CAB39L: variants seen among roughly 807,000 people sequenced by gnomAD.
CAB39L encodes calcium-binding protein 39-like.
CAB39L carries 23 observed loss-of-function variants against 39.1 expected under a neutral mutation model. The observed-to-expected ratio is 0.59, with a 90% CI of 0.42 to 0.83. The LOEUF is 0.83. Ranked by LOEUF, CAB39L falls within the 40% of genes least tolerant of loss-of-function variation. CAB39L has a pLI of 0.00. For synonymous variants in CAB39L, 126 were observed against 137.2 expected, an observed-to-expected ratio of 0.92 and a Z score of 0.57; for missense variants, 366 against 391.9, an observed-to-expected ratio of 0.93 and a Z score of 0.56.
At chr13:49,312,717 C>G (rs553635336) in intron 10 of CAB39L, among the ~76,000 whole-genome samples, 1 of 152,330 alleles carries the variant, frequency 6.6e-6, no homozygotes, top group East Asian at 1.9e-4. Flanking sequence ...TAGCTAGGAG[C>G]ACGTGGGAGC....
chr13:49,321,537 G>T (rs1005253357), intron 10 of CAB39L, among the ~76,000 whole-genome samples: 3 of 152,194 alleles, frequency 2.0e-5, no homozygotes, highest in African/African-American at 7.2e-5. Context: ...TGACCACTAG[G>T]CTGTGTGTGC....
At chr13:49,411,792 T>C (rs1379543886) in intron 3 of CAB39L, among the ~76,000 whole-genome samples, 1 of 152,116 alleles carries the variant, frequency 6.6e-6, no homozygotes, top group Non-Finnish European at 1.5e-5. Context: ...TGGAGACCCA[T>C]TCCTTATCTA....
intron 9 of CAB39L, among the ~76,000 whole-genome samples, chr13:49,337,727 C>G (rs1270822593): frequency 9.0e-6 from 1 of 111,298 alleles, no homozygotes; most frequent in African/African-American, 3.7e-5. Context: ...TCTAGCTGCT[C>G]TGGCGCACAC....
chr13:49,414,170 T>C (rs1267448033), intron 3 of CAB39L: 1 of 152,242 alleles, frequency 6.6e-6, no homozygotes, highest in East Asian at 1.9e-4. Flanking sequence ...TCCATTGGGA[T>C]AGAGTCAAAA....
At chr13:49,332,223 T>A in intron 9 of CAB39L, 133 bp from the exon 10 acceptor site, 3 of 994,924 alleles carry the variant, frequency 3.0e-6, no homozygotes, top group Non-Finnish European at 2.9e-6. Context: ...AGAGTGTCCT[T>A]AAGTGCATCT....
chr13:49,349,450 GAATA>G (rs1955275847), intron 7 of CAB39L, among the ~76,000 whole-genome samples: 1 of 136,258 alleles, frequency 7.3e-6, no homozygotes, highest in South Asian at 2.4e-4. Flanking sequence ...AAATGAATCT[GAATA>G]CATATATATA....
At chr13:49,364,239 G>A (rs1016808686) in intron 5 of CAB39L, among the ~76,000 whole-genome samples, 1 of 152,014 alleles carries the variant, frequency 6.6e-6, no homozygotes, top group Non-Finnish European at 1.5e-5. Flanking sequence ...TTAGACCTGG[G>A]ACATGATAAC....
chr13:49,336,298 T>G (rs145453192), intron 9 of CAB39L, among the ~76,000 whole-genome samples: 136 of 152,290 alleles, frequency 8.9e-4, no homozygotes, highest in African/African-American at 2.7e-3. Context: ...CAGTAACCAT[T>G]TTAATACTTT....
intron 5 of CAB39L, among the ~76,000 whole-genome samples, chr13:49,366,740 G>C (rs989412440): frequency 3.3e-5 from 5 of 151,756 alleles, no homozygotes; most frequent in African/African-American, 7.3e-5. Flanking sequence ...AATCTGCCAG[G>C]CATGGTGGCT....
chr13:49,353,006 C>A (rs1955397151), intron 6 of CAB39L, among the ~76,000 whole-genome samples: 1 of 152,110 alleles, frequency 6.6e-6, no homozygotes, highest in African/African-American at 2.4e-5. Context: ...ATCAAATTTA[C>A]AAATATTAGT....
intron 10 of CAB39L, among the ~76,000 whole-genome samples, chr13:49,311,437 A>G (rs941148172): frequency 1.3e-5 from 2 of 152,214 alleles, no homozygotes; most frequent in Admixed American, 6.5e-5. Context: ...ACGTCTAATC[A>G]TTATTTTAGA....
At chr13:49,390,466 A>T (rs1956464547) in intron 3 of CAB39L, among the ~76,000 whole-genome samples, 1 of 152,190 alleles carries the variant, frequency 6.6e-6, no homozygotes, top group Admixed American at 6.5e-5. Flanking sequence ...TGCCAATACC[A>T]ACTAGTACAG....
rs1397246545 is a variant in CAB39L, at chr13:49,379,714, AAAAAAAAC to A, written c.112-2591_112-2584del. 4.1e-4 allele frequency among the ~76,000 whole-genome samples: 14 copies of A among 33,898 alleles called. 4 individuals carry two copies. Among genetic ancestry groups the A allele is most frequent in the African/African-American group, 2.8e-3 (9 of 3,228 alleles). The allele number at this position is 33,898 out of a possible 152,430, so 22.2% of individuals were successfully genotyped here. A position where few individuals can be genotyped will look rare whatever the true frequency, so the allele number is the denominator to read the frequency against. On this transcript the variant is annotated intron_variant, in intron 4 of 10. Transcript: ENST00000409308. ...CAATAAAAAAATAAATTTAAAAAAA[AAAAAAAAC>A]AAAAAAACAAAAACAGTAAGCACTG...
chr13:49,376,844 TA>T, intron 5 of CAB39L, 122 bp downstream of exon 5: 1 of 766,320 alleles, frequency 1.3e-6, no homozygotes, highest in Non-Finnish European at 1.9e-6. Context: ...GAAAAAACTT[TA>T]AAAAATAACA....
At chr13:49,369,915 A>T (rs1955871478) in intron 5 of CAB39L, among the ~76,000 whole-genome samples, 1 of 52,208 alleles carries the variant, frequency 1.9e-5, no homozygotes, top group Non-Finnish European at 3.6e-5. Context: ...GGGTGATGGA[A>T]CTGTTGTTCT....
intron 4 of CAB39L, among the ~76,000 whole-genome samples, chr13:49,382,015 T>G (rs1956261876): frequency 6.6e-6 from 1 of 152,226 alleles, no homozygotes; most frequent in Non-Finnish European, 1.5e-5. Flanking sequence ...TTGTCAACAC[T>G]TAACATCATC....
At chr13:49,424,779 T>C (rs1032691265) in intron 3 of CAB39L, among the ~76,000 whole-genome samples, 3 of 152,090 alleles carry the variant, frequency 2.0e-5, no homozygotes, top group Admixed American at 2.0e-4. Flanking sequence ...AAAATTCCAA[T>C]GATGGAAAAT....
chr13:49,331,878 G>C, intron 10 of CAB39L, 69 bp downstream of exon 10: 2 of 1,407,858 alleles, frequency 1.4e-6, no homozygotes, highest in Non-Finnish European at 2.0e-6. Context: ...GTAAAGAGCA[G>C]GGAGTTTGCC....
intron 3 of CAB39L, among the ~76,000 whole-genome samples, chr13:49,404,328 G>A (rs1007031665): frequency 2.0e-5 from 3 of 151,886 alleles, no homozygotes; most frequent in Non-Finnish European, 2.9e-5. Context: ...TTTGAATATC[G>A]CCTAATGCAA....
Sources: gnomAD v4.1 joint callset for allele counts (sites outside exome capture counted in the v4.1 genomes callset) on GRCh38, gnomAD v4.1.1 for gene constraint, MANE v1.5 for transcripts, NCBI Gene and HGNC (gene_info 2026-07-23, HGNC 2026-07-21) for gene names.